Variants in MRNIP observed in about 807,000 individuals in gnomAD.
MRNIP encodes the protein MRN complex interacting protein.
MRNIP carries 30 observed loss-of-function variants against 29.8 expected under a neutral mutation model. The observed-to-expected ratio is 1.01, with a 90% CI of 0.75 to 1.36. The LOEUF is 1.36. MRNIP is among the 40% of genes most tolerant of loss of function. The pLI is 0.00. For synonymous variants in MRNIP, 201 were observed against 164.1 expected (o/e 1.23, Z -1.72); for missense variants, 459 against 423.5 (o/e 1.08, Z -0.74).
chr5:179,852,299 A>C (rs1170091277), intron 2 of MRNIP, among the ~76,000 whole-genome samples: 6 of 151,830 alleles, frequency 4.0e-5, no homozygotes, highest in Admixed American at 6.6e-5. Context: ...AAAAAAAAAA[A>C]CCCCAAAAAA....
intron 6 of MRNIP, 150 bp from the exon 7 acceptor site, chr5:179,838,035 G>A (rs1582034652): frequency 2.8e-6 from 2 of 708,738 alleles, no homozygotes; most frequent in East Asian, 2.7e-5. Flanking sequence ...GATTTTGAGG[G>A]TTAGCAAGAC....
At position 179,844,818 on chromosome 5, in the gene MRNIP, T is replaced by A. The variant is rs77614171; in HGVS notation, c.216-591A>T. 4.5e-3 allele frequency among the ~76,000 whole-genome samples: 683 copies of A among 152,376 alleles called. 5 individuals are homozygous for A. Among genetic ancestry groups the A allele is most frequent in the African/African-American group, 0.016 (652 of 41,588 alleles). On this transcript the variant is annotated intron_variant, in intron 3 of 6. Coordinates refer to ENST00000292586, the MANE Select transcript of MRNIP (RefSeq NM_016175.4). ...GTATGTTGACCTTGTATTCTTGTGA[T>A]CTTGCTAAATTATTAGTTCTAGTAG...
In MRNIP at chr5:179,837,367, G is replaced by A. The variant is rs768839085; in HGVS notation, c.*24C>T. 28 of 1,581,358 alleles carry A rather than the reference G, an allele frequency of 1.8e-5. No individual in the cohort carries two copies. The Admixed American group carries it at 1.8e-4, about 10-fold the overall frequency. ...CTGTCCCTCCTAACAAGTGTATCTCGATTAATAACCTGCCAGTCCCAGATC... is the reference window on the plus strand; with the variant it reads ...CTGTCCCTCCTAACAAGTGTATCTCAATTAATAACCTGCCAGTCCCAGATC... On this transcript the variant is annotated 3_prime_UTR_variant, in exon 7 of 7. Coordinates refer to ENST00000292586, the MANE Select transcript of MRNIP (RefSeq NM_016175.4).
chr5:179,853,181 A>T (rs1164019639), intron 2 of MRNIP, 197 bp downstream of exon 2: 5 of 1,502,728 alleles, frequency 3.3e-6, no homozygotes, highest in Non-Finnish European at 4.5e-6. Flanking sequence ...CTGAATGAAG[A>T]ATCAAATGGC....
In MRNIP at chr5:179,858,786, A is replaced by G; in HGVS notation, c.11T>C (p.Leu4Pro). The change falls in exon 1 of 7, where the codon CTT becomes CCT. Residue 4 changes from leucine (L) to proline (P), a missense_variant. Leu to Pro is a moderately conservative substitution (Grantham distance 98). Transcript: ENST00000292586. MAS[L>P]QRSRVLRCCS... Reference sequence around the variant, plus strand: ...GCAGCGTAGCACCCGAGAACGCTGAAGCGACGCCATCCCTGCTTGTGCAGT... The same window carrying G: ...GCAGCGTAGCACCCGAGAACGCTGAGGCGACGCCATCCCTGCTTGTGCAGT... 1 of 1,540,920 alleles carries G rather than the reference A, an allele frequency of 6.5e-7. No homozygotes were observed. The highest frequency in any genetic ancestry group is 8.7e-7 in the Non-Finnish European group (1 of 1,143,972).
chr5:179,848,000 G>C lies in MRNIP; in HGVS notation c.193C>G (p.Gln65Glu), dbSNP rs1435722595. The C allele has an allele frequency of 6.2e-7, 1 of 1,612,750 alleles. No homozygotes were observed. The highest frequency in any genetic ancestry group is 1.7e-5 in the Admixed American group (1 of 59,790). ...TACCTGAGTGGCAGCTCTGAAACTT[G>C]TCCCTGTAGTAGATTTAACTTTTGG... ...HVQKLNLLQG[Q>E]VSELPLRSLE... Residue 65 changes from glutamine to glutamate, a missense_variant, in exon 3 of 7, where the codon CAA becomes GAA. Gln to Glu is a conservative substitution (Grantham distance 29). Coordinates refer to ENST00000292586, the MANE Select transcript of MRNIP (RefSeq NM_016175.4).
chr5:179,851,014 C>T (rs995820909), intron 2 of MRNIP: 2 of 340,342 alleles, frequency 5.9e-6, no homozygotes, highest in African/African-American at 4.3e-5. Context: ...AGGGCAGCGC[C>T]CTGCTGACCT....
chr5:179,853,048 T>C (rs1305545236), intron 2 of MRNIP: 3 of 436,426 alleles, frequency 6.9e-6, no homozygotes, highest in South Asian at 2.0e-5. Context: ...TGCAGATGCA[T>C]GTGTGCATTA....
At chr5:179,855,495 A>G (rs1441094810) in intron 1 of MRNIP, among the ~76,000 whole-genome samples, 2 of 152,208 alleles carry the variant, frequency 1.3e-5, no homozygotes, top group Non-Finnish European at 2.9e-5. Flanking sequence ...AAAACCAGAT[A>G]GTCTAATACA....
chr5:179,842,903 C>CAG (rs1561616452), intron 4 of MRNIP, among the ~76,000 whole-genome samples: 2 of 150,838 alleles, frequency 1.3e-5, no homozygotes. Context: ...CGTGGTGGTG[C>CAG]GTGCCTGTAA....
intron 2 of MRNIP, chr5:179,853,079 C>A: frequency 1.8e-6 from 1 of 570,004 alleles, no homozygotes; most frequent in South Asian, 1.9e-5. Flanking sequence ...CCCTTCCACA[C>A]AAGTGCATCT....
intron 3 of MRNIP, among the ~76,000 whole-genome samples, chr5:179,845,003 G>A (rs1202336724): frequency 6.6e-6 from 1 of 152,030 alleles, no homozygotes; most frequent in Non-Finnish European, 1.5e-5. Flanking sequence ...TTCAGTTATT[G>A]CTTTTGCCCC....
At chr5:179,858,425 C>A (rs1365066075) in intron 1 of MRNIP, among the ~76,000 whole-genome samples, 1 of 152,144 alleles carries the variant, frequency 6.6e-6, no homozygotes, top group Non-Finnish European at 1.5e-5. Context: ...GAAACTGCGA[C>A]AGCGCTACTT....
chr5:179,843,599 G>A (rs1468283180), intron 4 of MRNIP, among the ~76,000 whole-genome samples: 2 of 152,086 alleles, frequency 1.3e-5, no homozygotes, highest in Non-Finnish European at 2.9e-5. Flanking sequence ...AATTAGCTGG[G>A]CGTGGTAGGG....
intron 2 of MRNIP, 134 bp downstream of exon 2, chr5:179,853,244 G>T: frequency 6.4e-7 from 1 of 1,564,094 alleles, no homozygotes. Context: ...GGAACAGGAA[G>T]CTCGGAAGCA....
At position 179,858,699 on chromosome 5, in the gene MRNIP, G is replaced by A. The variant is rs893651249; in HGVS notation, c.66+32C>T. 32 of 1,249,526 alleles carry A rather than the reference G, an allele frequency of 2.6e-5. No individual in the cohort carries two copies. The African/African-American group carries it at 3.8e-4, about 15-fold the overall frequency. 77.4% of individuals were successfully genotyped at this position (1,249,526 alleles called of 1,614,324 possible). On this transcript the variant is annotated intron_variant, in intron 1 of 6. Transcript: ENST00000292586. ...CTCCCCGTCCGCTGTCCCCGCGCCG[G>A]AGGAGGAGGAGGGGGCTGGCACCCG...
intron 1 of MRNIP, among the ~76,000 whole-genome samples, chr5:179,854,500 T>C (rs969121358): frequency 3.9e-5 from 6 of 152,114 alleles, no homozygotes; most frequent in African/African-American, 1.2e-4. Flanking sequence ...CACAATCAAA[T>C]TGGGCTGGGC....
intron 4 of MRNIP, among the ~76,000 whole-genome samples, chr5:179,842,437 T>C (rs981802530): frequency 1.4e-5 from 2 of 143,318 alleles, no homozygotes; most frequent in African/African-American, 5.2e-5. Flanking sequence ...TCCCAGCACC[T>C]TGGGAGGCCG....
At chr5:179,841,577 G>A (rs975044713) in intron 5 of MRNIP, 44 of 274,798 alleles carry the variant, frequency 1.6e-4, no homozygotes, top group Non-Finnish European at 2.3e-4. Context: ...TGAGGCCTCT[G>A]CTTCTCTGAG....
Sources: allele counts gnomAD v4.1 joint callset (sites outside exome capture counted in the v4.1 genomes callset), GRCh38; gene constraint gnomAD v4.1.1; transcripts MANE v1.5; gene names NCBI Gene and HGNC (gene_info 2026-07-23, HGNC 2026-07-21).